Variants in MDGA2 observed in about 807,000 individuals in gnomAD.
MDGA2 encodes MAM domain containing glycosylphosphatidylinositol anchor 2.
MDGA2 carries 40 observed loss-of-function variants against 117.8 expected under a neutral mutation model. The observed-to-expected ratio is 0.34, with a 90% confidence interval of 0.26 to 0.44. The LOEUF (loss-of-function observed/expected upper bound fraction) is 0.44, where lower values mean the gene tolerates loss of function less well. MDGA2 is among the 20% of genes least tolerant of loss of function. The probability of loss-of-function intolerance (pLI) is 1.00; values close to 1 mark genes in which losing one functional copy is unlikely to be tolerated. For missense variants in MDGA2, 1,123 were observed against 1,250.6 expected (o/e 0.90, Z 1.54); for synonymous variants, 452 against 439.0 (o/e 1.03, Z -0.37).
At chr14:47,600,275 G>T (rs1010105564) in intron 1 of MDGA2, among the ~76,000 whole-genome samples, 10 of 151,544 alleles carry the variant, frequency 6.6e-5, no homozygotes, top group African/African-American at 2.4e-4. Context: ...TTCGTATTTT[G>T]TATTTTTTGG....
intron 10 of MDGA2, among the ~76,000 whole-genome samples, chr14:46,911,444 T>C (rs868664948): frequency 2.0e-5 from 3 of 152,248 alleles, no homozygotes; most frequent in Non-Finnish European, 2.9e-5. Flanking sequence ...GTTTCAGCTA[T>C]TTTAGTTAAA....
chr14:46,916,108 G>A (rs1368524423), intron 10 of MDGA2, among the ~76,000 whole-genome samples: 4 of 152,126 alleles, frequency 2.6e-5, no homozygotes, highest in African/African-American at 9.7e-5. Flanking sequence ...TAGCCCACAT[G>A]TAACACTCCC....
intron 3 of MDGA2, among the ~76,000 whole-genome samples, chr14:47,147,633 A>G (rs916603369): frequency 6.6e-6 from 1 of 152,206 alleles, no homozygotes; most frequent in African/African-American, 2.4e-5. Context: ...ATCATCTGTT[A>G]ATACTCTCAG....
At chr14:47,034,729 TACACACACACAC>T (rs59191576) in intron 8 of MDGA2, among the ~76,000 whole-genome samples, 174 of 147,154 alleles carry the variant, frequency 1.2e-3, no homozygotes, top group South Asian at 2.4e-3. Context: ...ATAATTATCA[TACACACACACAC>T]ACACACACAC....
At chr14:47,102,018 T>C (rs1255614525) in intron 5 of MDGA2, among the ~76,000 whole-genome samples, 2 of 152,314 alleles carry the variant, frequency 1.3e-5, no homozygotes, top group South Asian at 2.1e-4. Context: ...TAGCAGGTCA[T>C]TGACTTCTTA....
At chr14:47,620,398 C>G (rs989001231) in intron 1 of MDGA2, among the ~76,000 whole-genome samples, 1 of 152,176 alleles carries the variant, frequency 6.6e-6, no homozygotes, top group Non-Finnish European at 1.5e-5. Context: ...TAGACGAAAT[C>G]TTTGGCAAAT....
At chr14:47,246,080 C>T (rs772062047) in intron 2 of MDGA2, among the ~76,000 whole-genome samples, 2 of 151,886 alleles carry the variant, frequency 1.3e-5, no homozygotes, top group Non-Finnish European at 2.9e-5. Flanking sequence ...TCACTTCCTA[C>T]ACTATGCTGC....
chr14:47,036,182 ATGG>A (rs943406797), intron 7 of MDGA2, among the ~76,000 whole-genome samples: 5 of 146,406 alleles, frequency 3.4e-5, no homozygotes, highest in African/African-American at 5.0e-5. Context: ...AGGCAGGAGA[ATGG>A]TGTGAACCCG....
chr14:47,069,685 C>G (rs563487665), intron 6 of MDGA2, among the ~76,000 whole-genome samples: 3 of 152,112 alleles, frequency 2.0e-5, no homozygotes, highest in African/African-American at 7.2e-5. Context: ...CCTTTTGCTG[C>G]CCATGTTAGA....
At chr14:46,949,812 A>G (rs892115730) in intron 9 of MDGA2, among the ~76,000 whole-genome samples, 9 of 151,956 alleles carry the variant, frequency 5.9e-5, no homozygotes, top group African/African-American at 2.2e-4. Flanking sequence ...TGCAATAAAC[A>G]TAGGAGTTGA....
At chr14:47,019,033 C>G (rs1023083293) in intron 8 of MDGA2, among the ~76,000 whole-genome samples, 5 of 152,138 alleles carry the variant, frequency 3.3e-5, no homozygotes, top group Non-Finnish European at 7.3e-5. Flanking sequence ...ACTTGAATTT[C>G]CCTTCATCTA....
intron 1 of MDGA2, among the ~76,000 whole-genome samples, chr14:47,519,595 T>C (rs1894826610): frequency 6.6e-6 from 1 of 152,166 alleles, no homozygotes; most frequent in Non-Finnish European, 1.5e-5. Flanking sequence ...AAGGTTAAAT[T>C]CTCCCAAGTT....
chr14:47,412,334 G>T (rs1215419924), intron 1 of MDGA2, among the ~76,000 whole-genome samples: 2 of 152,112 alleles, frequency 1.3e-5, no homozygotes, highest in South Asian at 4.1e-4. Context: ...AAGCTAGAGT[G>T]CAGCTGTGCT....
At chr14:46,882,398 A>G (rs1223639000) in intron 10 of MDGA2, among the ~76,000 whole-genome samples, 177 bp from the exon 11 acceptor site, 2 of 151,882 alleles carry the variant, frequency 1.3e-5, no homozygotes, top group Non-Finnish European at 2.9e-5. Context: ...TTGCATGCAT[A>G]TGTTTGCAGG....
Position 46,845,820 on chromosome 14 carries a change from C to A in MDGA2, c.2935G>T (p.Asp979Tyr). Residue 979 changes from aspartate (D) to tyrosine (Y), a missense_variant, in exon 16 of 17, where the codon GAT becomes TAT. Asp to Tyr is a radical substitution (Grantham distance 160). Around this residue, in one of 2 missense-constraint regions of MDGA2, gnomAD observed 890 missense variants for 1,050.3 expected, o/e 0.85. Coordinates refer to ENST00000399232, the MANE Select transcript of MDGA2 (RefSeq NM_001113498.3). ...TCTCCTTCTGCAATTGATACATCAT[C>A]AATAGCAATGTCACCTTCTATTCCA... ...GPGIEGDIAI[D>Y]DVSIAEGECA... The A allele has an allele frequency of 6.2e-7, 1 of 1,613,498 alleles. No homozygotes were observed. Among genetic ancestry groups the A allele is most frequent in the Non-Finnish European group, 8.5e-7 (1 of 1,179,648 alleles).
At chr14:47,331,684 A>G (rs1181091618) in intron 1 of MDGA2, among the ~76,000 whole-genome samples, 1 of 151,930 alleles carries the variant, frequency 6.6e-6, no homozygotes, top group Non-Finnish European at 1.5e-5. Context: ...AAACTAGCCT[A>G]TCAGGACTAA....
At chr14:47,365,677 T>G (rs1327373927) in intron 1 of MDGA2, among the ~76,000 whole-genome samples, 4 of 152,354 alleles carry the variant, frequency 2.6e-5, no homozygotes, top group Non-Finnish European at 2.9e-5. Flanking sequence ...TAATTCTGTT[T>G]CCAAGTAAAG....
intron 1 of MDGA2, among the ~76,000 whole-genome samples, chr14:47,340,356 T>C (rs1005159670): frequency 1.3e-5 from 2 of 152,126 alleles, no homozygotes; most frequent in African/African-American, 4.8e-5. Context: ...CAAACATCCT[T>C]TATCACTGTG....
chr14:47,371,681 C>T (rs865902852), intron 1 of MDGA2, among the ~76,000 whole-genome samples: 1 of 151,572 alleles, frequency 6.6e-6, no homozygotes, highest in South Asian at 2.1e-4. Flanking sequence ...GATTTTCCAA[C>T]TGTAAGAATA....
Sources: gnomAD v4.1 joint callset for allele counts (sites outside exome capture counted in the v4.1 genomes callset) on GRCh38, gnomAD v4.1.1 for gene constraint, gnomAD v4.1.1 regional missense constraint, MANE v1.5 for transcripts, NCBI Gene and HGNC (gene_info 2026-07-23, HGNC 2026-07-21) for gene names.